Variants in TUBGCP2 observed in about 807,000 individuals in gnomAD.
TUBGCP2 encodes tubulin gamma complex component 2.
Under a neutral mutation model 92.2 loss-of-function variants are expected in TUBGCP2, and 55 were observed. The observed-to-expected ratio is 0.60, with a 90% CI of 0.48 to 0.75. The LOEUF (loss-of-function observed/expected upper bound fraction) is 0.75, where lower values mean the gene tolerates loss of function less well. Among genes scored for constraint, TUBGCP2 ranks in the 30% least tolerant of loss-of-function variants. The pLI is 0.00. For synonymous variants in TUBGCP2, 533 were observed against 505.2 expected (o/e 1.06, Z -0.74); for missense variants, 1,093 against 1,188.9 (o/e 0.92, Z 1.19).
chr10:133,311,994 A>G (rs747385206), upstream of TUBGCP2: 6 of 1,604,436 alleles, frequency 3.7e-6, no homozygotes, highest in South Asian at 6.6e-5. Flanking sequence ...GAAAGTCCAG[A>G]TATCTCAGGT....
chr10:133,289,012 G>T lies in TUBGCP2; in HGVS notation c.1369C>A (p.Leu457Ile). 6.2e-7 allele frequency: 1 copy of T among 1,609,058 alleles called. No individual in the cohort carries two copies. The highest frequency in any genetic ancestry group is 1.1e-5 in the South Asian group (1 of 90,674). ...ADKILSTGKY[L>I]NVVRECGHDV... is the part of the protein sequence containing the mutation. ...TGGCCACACTCTCTGACCACATTTA[G>T]ATATTTTCCTGAAAACACAGAAATT... The change falls in exon 10 of 18, where the codon CTA becomes ATA. Residue 457 changes from leucine (L) to isoleucine (I), a missense_variant. Coordinates refer to ENST00000252936, the MANE Select transcript of TUBGCP2 (RefSeq NM_006659.4).
chr10:133,289,686 G>T, intron 9 of TUBGCP2, 138 bp downstream of exon 9: 1 of 1,116,126 alleles, frequency 9.0e-7, no homozygotes, highest in Non-Finnish European at 1.3e-6. Context: ...CCTGACCTCA[G>T]CCCCGCATTC....
chr10:133,303,498 G>A (rs1291039523), intron 1 of TUBGCP2, among the ~76,000 whole-genome samples: 1 of 152,192 alleles, frequency 6.6e-6, no homozygotes, highest in African/African-American at 2.4e-5. Flanking sequence ...TGCTCGCCTC[G>A]GCTTGGGGAC....
At chr10:133,290,055 G>C in intron 8 of TUBGCP2, 86 bp from the exon 9 acceptor site, 2 of 1,542,550 alleles carry the variant, frequency 1.3e-6, no homozygotes, top group Non-Finnish European at 1.8e-6. Flanking sequence ...AGCGCGCAGG[G>C]ACATTAACAG....
intron 2 of TUBGCP2, 102 bp downstream of exon 2, chr10:133,302,690 C>T (rs1428202438): frequency 1.1e-5 from 16 of 1,465,076 alleles, no homozygotes; most frequent in Middle Eastern, 2.5e-4. Context: ...CCAGGAACGG[C>T]GCTCACCCTG....
intron 5 of TUBGCP2, chr10:133,297,551 C>T (rs1049025950): frequency 1.9e-5 from 7 of 375,628 alleles, no homozygotes; most frequent in African/African-American, 1.3e-4. Context: ...TCTGAGAATA[C>T]TGCTGTAACA....
upstream of TUBGCP2, chr10:133,310,150 G>T (rs772896303): frequency 1.2e-6 from 2 of 1,613,588 alleles, no homozygotes; most frequent in South Asian, 2.2e-5. Context: ...GAGGTGACAC[G>T]GTCTCCATTT....
upstream of TUBGCP2, chr10:133,310,102 C>G (rs563464160): frequency 6.2e-7 from 1 of 1,611,558 alleles, no homozygotes; most frequent in Non-Finnish European, 8.5e-7. Flanking sequence ...AGCTCTGCTA[C>G]GGGGGCATGG....
chr10:133,291,259 TCCGTGTCCC>T (rs1191507920), intron 8 of TUBGCP2, among the ~76,000 whole-genome samples: 17 of 69,140 alleles, frequency 2.5e-4, no homozygotes, highest in Middle Eastern at 8.1e-3. Context: ...CCCATGTCCC[TCCGTGTCCC>T]CCATGTCCCT....
rs1589829973 is a variant in TUBGCP2, at chr10:133,292,963, G to C, written c.1024+76C>G. On this transcript the variant is annotated intron_variant, in intron 7 of 17. Coordinates refer to ENST00000252936, the MANE Select transcript of TUBGCP2 (RefSeq NM_006659.4). ...GCAGCTGCTCCACGGCCCCTGCAGAGTCTCTCCTCACACTGGGTGCCATGT... is the reference window on the plus strand; with the variant it reads ...GCAGCTGCTCCACGGCCCCTGCAGACTCTCTCCTCACACTGGGTGCCATGT... 3.9e-6 allele frequency: 6 copies of C among 1,519,666 alleles called. No homozygotes were observed. In the South Asian group the frequency reaches 7.1e-5, roughly 18 times the overall value. The allele number at this position is 1,519,666 out of a possible 1,614,324, so 94.1% of individuals were successfully genotyped here.
upstream of TUBGCP2, chr10:133,312,005 C>A (rs1848001304): frequency 1.3e-6 from 2 of 1,591,210 alleles, no homozygotes; most frequent in South Asian, 2.2e-5. Flanking sequence ...TATCTCAGGT[C>A]CTGTGAATAA....
chr10:133,302,937 C>T lies in TUBGCP2; in HGVS notation c.5G>A (p.Ser2Asn). Residue 2 changes from serine to asparagine, a missense_variant, in exon 2 of 18, where the codon AGT becomes AAT. Coordinates refer to ENST00000252936, the MANE Select transcript of TUBGCP2 (RefSeq NM_006659.4). MSEFRIHHDVNE... is the reference protein window; with the variant it reads MNEFRIHHDVNE... Reference sequence around the variant, plus strand: ...GACGTCATGGTGAATCCGAAATTCACTCATAGTTTTAGCTCTGAGGCACGA... The same window carrying T: ...GACGTCATGGTGAATCCGAAATTCATTCATAGTTTTAGCTCTGAGGCACGA... The T allele has an allele frequency of 6.2e-7, 1 of 1,614,052 alleles. No individual in the cohort carries two copies. Among genetic ancestry groups the T allele is most frequent in the Non-Finnish European group, 8.5e-7 (1 of 1,179,994 alleles).
intron 1 of TUBGCP2, 68 bp from the exon 2 acceptor site, chr10:133,303,048 T>C: frequency 1.4e-6 from 2 of 1,423,610 alleles, no homozygotes; most frequent in Non-Finnish European, 1.9e-6. Flanking sequence ...TTTTAAACAC[T>C]CAAGACTGGC....
At chr10:133,310,029 C>G (rs1226366960), upstream of TUBGCP2, 3 of 1,609,934 alleles carry the variant, frequency 1.9e-6, no homozygotes, top group Non-Finnish European at 2.5e-6. Context: ...GTGATGGGCT[C>G]AGAGTGCTGC....
intron 17 of TUBGCP2, 67 bp from the exon 18 acceptor site, chr10:133,279,968 T>C: frequency 6.4e-7 from 1 of 1,567,844 alleles, no homozygotes; most frequent in Middle Eastern, 1.7e-4. Flanking sequence ...GCAGCAGGGG[T>C]GTGGAAGGAC....
intron 2 of TUBGCP2, chr10:133,300,492 T>G (rs1166747513): frequency 5.2e-6 from 1 of 193,418 alleles, no homozygotes; most frequent in Non-Finnish European, 1.1e-5. Context: ...GAGGATCACA[T>G]CAGCCTGGGA....
At chr10:133,289,670 G>C (rs962546507) in intron 9 of TUBGCP2, among the ~76,000 whole-genome samples, 154 bp downstream of exon 9, 1 of 152,166 alleles carries the variant, frequency 6.6e-6, no homozygotes, top group East Asian at 1.9e-4. Flanking sequence ...CAGCCCACGG[G>C]CCAGTCCTGA....
Position 133,283,442 on chromosome 10 carries a change from G to A in TUBGCP2, c.2146-221C>T, listed in dbSNP as rs148986960. The stretch of plus-strand genomic sequence containing the variant: ...CTTAAGGCAGAAGACAGGAAGGGAG[G>A]CTGCGGCAGCTTCTGGAATTTGGTA... On this transcript the variant is annotated intron_variant, in intron 14 of 17. Transcript: ENST00000252936. Among the ~76,000 whole-genome samples, 70 of 152,378 alleles carry A rather than the reference G, an allele frequency of 4.6e-4. No individual in the cohort carries two copies. The East Asian group carries it at 0.013, about 28-fold the overall frequency.
chr10:133,282,556 G>A (rs572430670), intron 15 of TUBGCP2, among the ~76,000 whole-genome samples: 11 of 152,274 alleles, frequency 7.2e-5, no homozygotes, highest in African/African-American at 2.2e-4. Flanking sequence ...TGATTTTCCT[G>A]AGAACAGTTA....
Sources: gnomAD v4.1 joint callset for allele counts (sites outside exome capture counted in the v4.1 genomes callset) on GRCh38, gnomAD v4.1.1 for gene constraint, MANE v1.5 for transcripts, NCBI Gene and HGNC (gene_info 2026-07-23, HGNC 2026-07-21) for gene names.